Variants in FILIP1L observed in about 807,000 individuals in gnomAD.
The protein encoded by FILIP1L is filamin A-interacting protein 1-like.
A neutral mutation model predicts 96.6 loss-of-function variants in FILIP1L; 55 were observed. The observed-to-expected ratio is 0.57, with a 90% CI of 0.46 to 0.71. The LOEUF is 0.71. Ranked by LOEUF, FILIP1L falls within the 30% of genes least tolerant of loss-of-function variation. FILIP1L has a pLI of 0.00. For missense variants in FILIP1L, 1,304 were observed against 1,321.2 expected (o/e 0.99, Z 0.20); for synonymous variants, 467 against 473.9 (o/e 0.99, Z 0.19).
At chr3:100,058,618 C>CT (rs1381892542) in intron 1 of FILIP1L, among the ~76,000 whole-genome samples, 7 of 152,142 alleles carry the variant, frequency 4.6e-5, no homozygotes, top group Admixed American at 2.0e-4. Context: ...TTTCTCTCCG[C>CT]TTTTTTTCTC....
rs181373263 is a variant in FILIP1L at position 99,947,067 on chromosome 3, G to A, written c.-10-16037C>T. 2.5e-3 allele frequency among the ~76,000 whole-genome samples: 367 copies of A among 147,052 alleles called. 9 individuals are homozygous for A. The highest frequency in any genetic ancestry group is 8.8e-4 in the Non-Finnish European group (59 of 67,378). ...CAGGGAGAATCACTTGCAGCTGGGA[G>A]GTAGAGGTTGCAATGAGCTGAGATT... On this transcript the variant is annotated intron_variant, in intron 1 of 5. Transcript: ENST00000477258.
At chr3:100,037,959 G>GT (rs1392685507) in intron 1 of FILIP1L, among the ~76,000 whole-genome samples, 3 of 92,402 alleles carry the variant, frequency 3.2e-5, no homozygotes, top group Non-Finnish European at 6.8e-5. Context: ...TTTTTTTTGG[G>GT]GGGGGAGGGA....
In FILIP1L at chr3:99,829,679, G is replaced by A. The variant is rs1942611106; in HGVS notation, c.*735C>T. ...TAGTGTTTATTCAGAGAAGAGATAT[G>A]AATAAACAATGTCCTGTGAGATGAT... On this transcript the variant is annotated 3_prime_UTR_variant, in exon 6 of 6. Transcript: ENST00000477258. Among the ~76,000 whole-genome samples the A allele has an allele frequency of 6.6e-6, 1 of 152,126 alleles. No homozygotes were observed. The highest frequency in any genetic ancestry group is 2.1e-4 in the South Asian group (1 of 4,824).
chr3:100,094,108 T>A (rs1204877436), intron 1 of FILIP1L, among the ~76,000 whole-genome samples: 2 of 152,232 alleles, frequency 1.3e-5, no homozygotes, highest in Non-Finnish European at 2.9e-5. Context: ...TCACTATTTT[T>A]TTAATTTTAG....
At chr3:99,991,342 G>A (rs1362273184) in intron 1 of FILIP1L, among the ~76,000 whole-genome samples, 1 of 152,096 alleles carries the variant, frequency 6.6e-6, no homozygotes, top group Admixed American at 6.6e-5. Context: ...AGTGAATGTC[G>A]CTGGTGAGGT....
At chr3:99,994,199 T>G (rs1323054184) in intron 1 of FILIP1L, among the ~76,000 whole-genome samples, 1 of 152,196 alleles carries the variant, frequency 6.6e-6, no homozygotes, top group African/African-American at 2.4e-5. Flanking sequence ...TGGCTCAGTC[T>G]CAGTAGGTTT....
At chr3:99,855,563 C>T (rs1227672753) in intron 4 of FILIP1L, among the ~76,000 whole-genome samples, 3 of 152,236 alleles carry the variant, frequency 2.0e-5, no homozygotes, top group South Asian at 2.1e-4. Flanking sequence ...AAAGCCTGTG[C>T]GATTTCCCCA....
At chr3:100,088,564 G>T (rs2066051561) in intron 1 of FILIP1L, among the ~76,000 whole-genome samples, 3 of 152,058 alleles carry the variant, frequency 2.0e-5, no homozygotes, top group South Asian at 2.1e-4. Flanking sequence ...CTGAGAAAAC[G>T]ATTACATTTT....
Position 100,038,691 on chromosome 3 carries a change from A to T in FILIP1L, c.-11+75362T>A, listed in dbSNP as rs115307090. On this transcript the variant is annotated intron_variant, in intron 1 of 5. Transcript: ENST00000477258. ...TGTTTCTTTCTTTTTAAAGGACACGATCTCAGTCCATGTCCTACATAGTAG... is the reference window on the plus strand; with the variant it reads ...TGTTTCTTTCTTTTTAAAGGACACGTTCTCAGTCCATGTCCTACATAGTAG... 2.6e-3 allele frequency among the ~76,000 whole-genome samples: 389 copies of T among 152,270 alleles called. 2 individuals carry two copies. The highest frequency in any genetic ancestry group is 8.9e-3 in the African/African-American group (369 of 41,564).
At chr3:99,881,090 A>T (rs1414588525) in intron 4 of FILIP1L, among the ~76,000 whole-genome samples, 1 of 152,138 alleles carries the variant, frequency 6.6e-6, no homozygotes, top group Admixed American at 6.5e-5. Context: ...AAGGAAGTCT[A>T]TTTAATAAGG....
chr3:100,035,125 G>A (rs2065085308), intron 1 of FILIP1L, among the ~76,000 whole-genome samples: 1 of 152,144 alleles, frequency 6.6e-6, no homozygotes, highest in Admixed American at 6.5e-5. Context: ...CAAATTGTAT[G>A]TGTTTCAAGT....
At chr3:100,029,067 A>G (rs1011366082) in intron 1 of FILIP1L, among the ~76,000 whole-genome samples, 38 of 152,118 alleles carry the variant, frequency 2.5e-4, no homozygotes, top group Non-Finnish European at 4.1e-4. Flanking sequence ...GTGCATGCCT[A>G]TTGTCCCAAG....
At chr3:99,941,073 A>T (rs900043802) in intron 1 of FILIP1L, among the ~76,000 whole-genome samples, 1 of 152,264 alleles carries the variant, frequency 6.6e-6, no homozygotes, top group Non-Finnish European at 1.5e-5. Flanking sequence ...TCTGAAGCAT[A>T]TAAGTTTAGT....
intron 1 of FILIP1L, among the ~76,000 whole-genome samples, chr3:100,031,990 A>C (rs1178131588): frequency 6.6e-6 from 1 of 151,996 alleles, no homozygotes; most frequent in African/African-American, 2.4e-5. Flanking sequence ...CATCATGAAA[A>C]ATCCTAATTT....
intron 1 of FILIP1L, among the ~76,000 whole-genome samples, chr3:99,955,268 G>T (rs968381682): frequency 6.6e-6 from 1 of 152,150 alleles, no homozygotes; most frequent in Non-Finnish European, 1.5e-5. Context: ...AGAGCTATTA[G>T]CAAAACTTAG....
chr3:100,064,824 G>A (rs2065635351), intron 1 of FILIP1L, among the ~76,000 whole-genome samples: 1 of 148,968 alleles, frequency 6.7e-6, no homozygotes, highest in African/African-American at 2.5e-5. Flanking sequence ...GAATTCAGCA[G>A]TTGGATTTCC....
At chr3:99,970,922 T>C (rs1367361441) in intron 1 of FILIP1L, among the ~76,000 whole-genome samples, 1 of 152,228 alleles carries the variant, frequency 6.6e-6, no homozygotes, top group Non-Finnish European at 1.5e-5. Context: ...GTTAGGAAGC[T>C]GTTGCAGTCA....
intron 4 of FILIP1L, among the ~76,000 whole-genome samples, chr3:99,859,557 CCTTT>C (rs1193813067): frequency 6.6e-6 from 1 of 152,314 alleles, no homozygotes; most frequent in Middle Eastern, 3.4e-3. Flanking sequence ...ACATCACACT[CCTTT>C]ATTTATTTTT....
chr3:100,037,702 A>G (rs1412698951), intron 1 of FILIP1L, among the ~76,000 whole-genome samples: 1 of 152,174 alleles, frequency 6.6e-6, no homozygotes, highest in Non-Finnish European at 1.5e-5. Context: ...CTCTGTCCTG[A>G]TAAGTTTCTC....
Sources: gnomAD v4.1 joint callset for allele counts (sites outside exome capture counted in the v4.1 genomes callset) on GRCh38, gnomAD v4.1.1 for gene constraint, MANE v1.5 for transcripts, NCBI Gene and HGNC (gene_info 2026-07-23, HGNC 2026-07-21) for gene names.